ZNF517: variants seen among roughly 807,000 people sequenced by gnomAD.
ZNF517 encodes the protein zinc finger protein 517.
ZNF517 carries 12 observed loss-of-function variants against 12.1 expected under a neutral mutation model. That is an observed-to-expected ratio of 0.99 (90% confidence interval 0.63 to 1.61). ZNF517 has a LOEUF of 1.61. Ranked by LOEUF, ZNF517 falls within the 40% of genes most tolerant of loss-of-function variation. The pLI is 0.00. For missense variants in ZNF517, 781 were observed against 693.2 expected (o/e 1.13, Z -1.42); for synonymous variants, 388 against 310.2 (o/e 1.25, Z -2.63).
intron 1 of ZNF517, among the ~76,000 whole-genome samples, chr8:144,801,323 T>C (rs552225214): frequency 1.3e-5 from 2 of 151,802 alleles, no homozygotes; most frequent in South Asian, 4.2e-4. Context: ...TACGTCTGCT[T>C]AGAGCAAAAT....
At chr8:144,802,355 G>A (rs1456974939) in intron 1 of ZNF517, among the ~76,000 whole-genome samples, 1 of 152,186 alleles carries the variant, frequency 6.6e-6, no homozygotes, top group Non-Finnish European at 1.5e-5. Context: ...CAGCCTGGGC[G>A]ACAGAGCGAA....
intron 2 of ZNF517, 154 bp from the exon 3 acceptor site, chr8:144,803,486 CG>C: frequency 7.3e-6 from 7 of 959,186 alleles, no homozygotes; most frequent in Middle Eastern, 3.2e-4. Flanking sequence ...GCCGCTCACT[CG>C]GGGGGTGTTG....
intron 4 of ZNF517, among the ~76,000 whole-genome samples, chr8:144,805,866 G>A (rs10110409): frequency 0.02 from 3,043 of 151,682 alleles, 64 homozygotes; most frequent in African/African-American, 0.069. Context: ...GTGATCCGCC[G>A]CCTCGGCCTC....
In ZNF517 at chr8:144,808,551, C is replaced by T. The variant is rs953107209; in HGVS notation, c.*156C>T. Reference sequence around the variant, plus strand: ...AGCTCGGCTTCTTGCTCCAGCCGGGCACTGGGGAGGGAAAGGGCACCAGGC... The same window carrying T: ...AGCTCGGCTTCTTGCTCCAGCCGGGTACTGGGGAGGGAAAGGGCACCAGGC... On this transcript the variant is annotated 3_prime_UTR_variant, in exon 5 of 5. Coordinates refer to ENST00000359971, the MANE Select transcript of ZNF517 (RefSeq NM_213605.3). The T allele has an allele frequency of 6.1e-6, 7 of 1,138,752 alleles. No individual in the cohort carries two copies. In the African/African-American group the frequency reaches 1.1e-4, roughly 18 times the overall value. 70.5% of individuals were successfully genotyped at this position (1,138,752 alleles called of 1,614,324 possible). A position where few individuals can be genotyped will look rare whatever the true frequency, so the allele number is the denominator to read the frequency against.
chr8:144,812,868 A>G (rs1490325206), downstream of ZNF517, among the ~76,000 whole-genome samples: 1 of 152,212 alleles, frequency 6.6e-6, no homozygotes, highest in East Asian at 1.9e-4. Flanking sequence ...CTTTATCAAA[A>G]CATTCTTAGA....
At position 144,810,068 on chromosome 8, in the gene ZNF517, CCCTCTCCTAAACT is replaced by C. The variant is rs1356855825; in HGVS notation, c.*1676_*1688del. Reference sequence around the variant, plus strand: ...ACTCTGTCTCAAACAAATAAAAATCCCCTCTCCTAAACTCCATTATTGGTTTTGTCTCTCTAGA... The same window carrying C: ...ACTCTGTCTCAAACAAATAAAAATCCCCATTATTGGTTTTGTCTCTCTAGA... On this transcript the variant is annotated 3_prime_UTR_variant, in exon 5 of 5. Transcript: ENST00000359971. The C allele has an allele frequency of 1.9e-6, 1 of 522,708 alleles. No individual in the cohort carries two copies. The highest frequency in any genetic ancestry group is 3.0e-5 in the Admixed American group (1 of 32,996). The allele number at this position is 522,708 out of a possible 1,614,324, so 32.4% of individuals were successfully genotyped here.
Position 144,802,856 on chromosome 8 carries a change from CTA to C in ZNF517, c.-45-12_-45-11del. On this transcript the variant is annotated splice_polypyrimidine_tract_variant and intron_variant, in intron 1 of 4. Coordinates refer to ENST00000359971, the MANE Select transcript of ZNF517 (RefSeq NM_213605.3). Reference sequence around the variant, plus strand: ...GCCTGGGCTCTTTCCACTCATGGCTCTATGTTCCCTCAGAATTCACTGTCTGT... The same window carrying C: ...GCCTGGGCTCTTTCCACTCATGGCTCTGTTCCCTCAGAATTCACTGTCTGT... The C allele has an allele frequency of 1.2e-6, 2 of 1,613,288 alleles. No homozygotes were observed. The highest frequency in any genetic ancestry group is 8.5e-7 in the Non-Finnish European group (1 of 1,179,746).
At position 144,808,212 on chromosome 8, in the gene ZNF517, G is replaced by T. The variant is rs752756753; in HGVS notation, c.1296G>T (p.Ala432=). 4 of 1,607,378 alleles carry T rather than the reference G, an allele frequency of 2.5e-6. No individual in the cohort carries two copies. In the South Asian group the frequency reaches 4.4e-5, roughly 18 times the overall value. ...KPFACTECGK[A]FRRSYTLNEH... ...TCGCGTGCACCGAGTGCGGCAAGGCGTTCCGCAGGAGCTACACGCTGAACG... is the reference window on the plus strand; with the variant it reads ...TCGCGTGCACCGAGTGCGGCAAGGCTTTCCGCAGGAGCTACACGCTGAACG... Residue 432 remains alanine (A), a synonymous_variant, in exon 5 of 5, where the codon GCG becomes GCT. Coordinates refer to ENST00000359971, the MANE Select transcript of ZNF517 (RefSeq NM_213605.3).
chr8:144,804,290 C>T (rs1384158357), intron 4 of ZNF517, 52 bp downstream of exon 4: 2 of 1,450,820 alleles, frequency 1.4e-6, no homozygotes, highest in Non-Finnish European at 9.5e-7. Flanking sequence ...TGTGGCCTGG[C>T]CTCCGGGCAG....
chr8:144,802,224 A>T (rs1313635056), intron 1 of ZNF517, among the ~76,000 whole-genome samples: 1 of 152,066 alleles, frequency 6.6e-6, no homozygotes. Context: ...CCCATTGTTC[A>T]TTTCATAATG....
At position 144,800,679 on chromosome 8, in the gene ZNF517, C is replaced by T. The variant is rs565321774; in HGVS notation, c.-46+1742C>T. 3.0e-6 allele frequency: 3 copies of T among 985,400 alleles called. No homozygotes were observed. In the East Asian group the frequency reaches 3.4e-4, roughly 112 times the overall value. 61.0% of individuals were successfully genotyped at this position (985,400 alleles called of 1,614,324 possible). ...GTGGGGGTGGTGTGGCCCTGCTCTT[C>T]CATGCGTTTGCAGTCTGTGCCCTCT... On this transcript the variant is annotated intron_variant, in intron 1 of 4. Transcript: ENST00000359971.
rs1827278959 is a variant in ZNF517 at position 144,807,318 on chromosome 8, AC to A, written c.406del (p.His136ThrfsTer90). The part of the protein sequence containing the change: ...GHPVGGHPAP[P>X]HPHGGPEDGS... ...ACCCTGTGGGGGGGCACCCTGCACC[AC>A]CCCACCCGCATGGCGGTCCTGAGGA... On this transcript the variant is annotated frameshift_variant, in exon 5 of 5. Coordinates refer to ENST00000359971, the MANE Select transcript of ZNF517 (RefSeq NM_213605.3). LOFTEE classifies it low-confidence loss of function (END_TRUNC). 4.5e-6 allele frequency: 7 copies of A among 1,553,366 alleles called. No homozygotes were observed. Among genetic ancestry groups the A allele is most frequent in the Non-Finnish European group, 6.1e-6 (7 of 1,148,352 alleles).
In ZNF517 at chr8:144,807,921, C is replaced by T. The variant is rs1452021546; in HGVS notation, c.1005C>T (p.His335=). 2.0e-6 allele frequency: 3 copies of T among 1,517,292 alleles called. No individual in the cohort carries two copies. Among genetic ancestry groups the T allele is most frequent in the African/African-American group, 1.4e-5 (1 of 72,504 alleles). 94.0% of individuals were successfully genotyped at this position (1,517,292 alleles called of 1,614,324 possible). A position where few individuals can be genotyped will look rare whatever the true frequency, so the allele number is the denominator to read the frequency against. Residue 335 remains histidine (H), a synonymous_variant, in exon 5 of 5, where the codon CAC becomes CAT. Transcript: ENST00000359971. ...TCCGAGGGTCCTCGCTCCTGAAGCA[C>T]CACCGGCTGCACGCGCAGGAGGGTG... ...RFIRGSSLLK[H]HRLHAQEGAQ...
intron 4 of ZNF517, among the ~76,000 whole-genome samples, chr8:144,804,814 GAC>G (rs1827142502): frequency 6.6e-6 from 1 of 152,202 alleles, no homozygotes; most frequent in Non-Finnish European, 1.5e-5. Context: ...CGGAGAGAGA[GAC>G]AGGACAGCTT....
Position 144,808,297 on chromosome 8 carries a change from T to C in ZNF517, c.1381T>C (p.Cys461Arg), listed in dbSNP as rs1449376383. The C allele has an allele frequency of 3.2e-6, 5 of 1,540,970 alleles. No individual in the cohort carries two copies. The highest frequency in any genetic ancestry group is 4.4e-6 in the Non-Finnish European group (5 of 1,141,240). ...CCGGTGCCGCGCCTGCGGGAGGGCC[T>C]GCAGCCGGCTGTCCACCCTCATCCA... The part of the protein sequence containing the change: ...PYRCRACGRA[C>R]SRLSTLIQHQ... Residue 461 changes from cysteine to arginine, a missense_variant, in exon 5 of 5, where the codon TGC becomes CGC. By Grantham distance (180) the Cys-to-Arg change is radical. Coordinates refer to ENST00000359971, the MANE Select transcript of ZNF517 (RefSeq NM_213605.3).
rs767626435 is a variant in ZNF517 at position 144,807,714 on chromosome 8, C to T, written c.798C>T (p.Cys266=). Residue 266 remains cysteine, a synonymous_variant, in exon 5 of 5, where the codon TGC becomes TGT. Coordinates refer to ENST00000359971, the MANE Select transcript of ZNF517 (RefSeq NM_213605.3). The part of the protein sequence containing the change: ...TRERPYACGE[C]GKAFSRSSRL... ...AGCGGCCCTACGCATGCGGCGAGTG[C>T]GGCAAGGCCTTCAGCCGCAGCTCCC... 59 of 1,611,466 alleles carry T rather than the reference C, an allele frequency of 3.7e-5. No homozygotes were observed. The Admixed American group carries it at 8.3e-4, about 23-fold the overall frequency.
Position 144,807,094 on chromosome 8 carries a change from GA to G in ZNF517, c.275-95del, listed in dbSNP as rs1372950377. On this transcript the variant is annotated intron_variant, in intron 4 of 4. Transcript: ENST00000359971. ...ACCTCAGTAAAGCTGGGTGTTGGGGGAAGACTTGGGAATAAAAAGGTTATGT... is the reference window on the plus strand; with the variant it reads ...ACCTCAGTAAAGCTGGGTGTTGGGGGAGACTTGGGAATAAAAAGGTTATGT... The G allele has an allele frequency of 2.6e-5, 37 of 1,450,414 alleles. No homozygotes were observed. The East Asian group carries it at 7.9e-4, about 31-fold the overall frequency. 89.8% of individuals were successfully genotyped at this position (1,450,414 alleles called of 1,614,324 possible).
In ZNF517 at chr8:144,800,613, C is replaced by G. The variant is rs1024316535; in HGVS notation, c.-46+1676C>G. 7.6e-5 allele frequency: 75 copies of G among 985,216 alleles called. No homozygotes were observed. In the African/African-American group the frequency reaches 1.2e-3, roughly 16 times the overall value. The allele number at this position is 985,216 out of a possible 1,614,324, so 61.0% of individuals were successfully genotyped here. A position where few individuals can be genotyped will look rare whatever the true frequency, so the allele number is the denominator to read the frequency against. On this transcript the variant is annotated intron_variant, in intron 1 of 4. Coordinates refer to ENST00000359971, the MANE Select transcript of ZNF517 (RefSeq NM_213605.3). ...GCCATCGCAGTGGCCCAGGTGGGTC[C>G]TGCCACAGACTGCCCTGGACAGACA...
At chr8:144,803,183 T>C in intron 2 of ZNF517, 2 of 571,398 alleles carry the variant, frequency 3.5e-6, no homozygotes, top group Non-Finnish European at 6.1e-6. Flanking sequence ...CCCCTGAGCT[T>C]CTATGGTCAG....
Sources: allele counts gnomAD v4.1 joint callset (sites outside exome capture counted in the v4.1 genomes callset), GRCh38; gene constraint gnomAD v4.1.1; transcripts MANE v1.5; gene names NCBI Gene and HGNC (gene_info 2026-07-23, HGNC 2026-07-21).